Variants in SORCS3 observed in about 807,000 individuals in gnomAD.
The protein encoded by SORCS3 is sortilin related VPS10 domain containing receptor 3.
SORCS3 carries 57 observed loss-of-function variants against 146.3 expected under a neutral mutation model. That is an observed-to-expected ratio of 0.39 (90% CI 0.31 to 0.49). The LOEUF is 0.49. Ranked by LOEUF, SORCS3 falls within the 20% of genes least tolerant of loss-of-function variation. The pLI, the probability that SORCS3 is intolerant of heterozygous loss-of-function variation, is 0.92. For synonymous variants in SORCS3, 653 were observed against 618.5 expected, an observed-to-expected ratio of 1.06 and a Z score of -0.83; for missense variants, 1,341 against 1,575.5, an observed-to-expected ratio of 0.85 and a Z score of 2.52.
intron 2 of SORCS3, among the ~76,000 whole-genome samples, chr10:104,905,194 G>A (rs1044774287): frequency 4.6e-5 from 7 of 152,168 alleles, no homozygotes; most frequent in African/African-American, 1.7e-4. Context: ...AGAGAGCAGA[G>A]CAATCACTCC....
chr10:105,080,597 A>C (rs1345453744), intron 5 of SORCS3, among the ~76,000 whole-genome samples: 1 of 151,996 alleles, frequency 6.6e-6, no homozygotes, highest in Non-Finnish European at 1.5e-5. Flanking sequence ...TGGCATCTTC[A>C]TTGTGAAATC....
chr10:104,931,386 A>G (rs61867346), intron 3 of SORCS3, among the ~76,000 whole-genome samples: 42,158 of 152,044 alleles, frequency 0.28, 7,531 homozygotes, highest in African/African-American at 0.51. Flanking sequence ...TAAACCTAGG[A>G]TTTCCAGGGC....
intron 4 of SORCS3, among the ~76,000 whole-genome samples, chr10:104,995,826 T>A (rs1250874835): frequency 6.6e-6 from 1 of 151,956 alleles, no homozygotes; most frequent in Non-Finnish European, 1.5e-5. Context: ...AATATTTGCC[T>A]AAGTCAGTGT....
intron 1 of SORCS3, among the ~76,000 whole-genome samples, chr10:104,662,665 T>A (rs147194964): frequency 6.6e-6 from 1 of 152,214 alleles, no homozygotes; most frequent in Non-Finnish European, 1.5e-5. Context: ...TAGACTGGCA[T>A]GTTCTTTTCT....
chr10:104,852,492 C>T (rs959002121), intron 2 of SORCS3, among the ~76,000 whole-genome samples: 8 of 152,164 alleles, frequency 5.3e-5, no homozygotes, highest in Non-Finnish European at 1.0e-4. Flanking sequence ...TAAGAAAAGT[C>T]AGTTTCCTGG....
At chr10:104,933,695 T>C (rs1260300073) in intron 3 of SORCS3, among the ~76,000 whole-genome samples, 2 of 152,234 alleles carry the variant, frequency 1.3e-5, no homozygotes, top group African/African-American at 4.8e-5. Context: ...CATGTAAATG[T>C]TAACATCTCT....
intron 5 of SORCS3, among the ~76,000 whole-genome samples, chr10:105,077,345 A>G (rs917895573): frequency 2.6e-5 from 4 of 152,096 alleles, no homozygotes; most frequent in African/African-American, 4.8e-5. Flanking sequence ...ATAAGTCCCA[A>G]CCCTATGGTT....
chr10:104,904,749 C>T (rs2018886574), intron 2 of SORCS3, among the ~76,000 whole-genome samples: 1 of 151,120 alleles, frequency 6.6e-6, no homozygotes, highest in South Asian at 2.1e-4. Flanking sequence ...AAAATGTTAA[C>T]TGAGTTTTTC....
chr10:104,696,138 ATAT>A (rs1455970248), intron 1 of SORCS3, among the ~76,000 whole-genome samples: 6 of 106,786 alleles, frequency 5.6e-5, no homozygotes, highest in South Asian at 2.5e-4. Context: ...TCATATACAC[ATAT>A]TATATATAAT....
At chr10:105,010,794 A>G (rs1264867780) in intron 4 of SORCS3, among the ~76,000 whole-genome samples, 1 of 151,420 alleles carries the variant, frequency 6.6e-6, no homozygotes, top group Non-Finnish European at 1.5e-5. Flanking sequence ...GGGGCAGGCT[A>G]GGGTCAAGGT....
intron 2 of SORCS3, among the ~76,000 whole-genome samples, chr10:104,899,082 T>C (rs748580793): frequency 3.5e-4 from 53 of 152,324 alleles, no homozygotes; most frequent in South Asian, 8.3e-4. Flanking sequence ...GTTTATACCA[T>C]AGGGACTCAG....
At chr10:105,016,155 A>ATATATATATATATATTTTTTTTTTT (rs71482443) in intron 4 of SORCS3, among the ~76,000 whole-genome samples, 1 of 101,342 alleles carries the variant, frequency 9.9e-6, no homozygotes, top group African/African-American at 4.8e-5. Flanking sequence ...ATATATATAT[A>ATATATATATATATATTTTTTTTTTT]TTTTTTTTTT....
chr10:104,792,537 C>T (rs1411906438), intron 1 of SORCS3, among the ~76,000 whole-genome samples: 6 of 152,140 alleles, frequency 3.9e-5, no homozygotes, highest in East Asian at 1.9e-4. Context: ...TTGCTCATAG[C>T]GCTTGCACTA....
chr10:104,984,254 G>T (rs767764650), intron 4 of SORCS3, among the ~76,000 whole-genome samples: 2 of 152,138 alleles, frequency 1.3e-5, no homozygotes, highest in Non-Finnish European at 2.9e-5. Context: ...AGAATTTATT[G>T]ACATTCAGTA....
At chr10:104,648,481 C>G (rs1391170550) in intron 1 of SORCS3, among the ~76,000 whole-genome samples, 1 of 152,132 alleles carries the variant, frequency 6.6e-6, no homozygotes. Flanking sequence ...TCGTATGAGG[C>G]TAGTTAGAGA....
At chr10:104,708,859 G>A (rs1345668414) in intron 1 of SORCS3, among the ~76,000 whole-genome samples, 1 of 152,172 alleles carries the variant, frequency 6.6e-6, no homozygotes, top group East Asian at 1.9e-4. Context: ...CCCTTTTGAG[G>A]CATATAGATT....
chr10:104,959,401 A>G (rs2054778531), intron 3 of SORCS3, among the ~76,000 whole-genome samples: 1 of 152,122 alleles, frequency 6.6e-6, no homozygotes, highest in African/African-American at 2.4e-5. Flanking sequence ...GGGACCTCAG[A>G]GAACTCTCTC....
intron 20 of SORCS3, among the ~76,000 whole-genome samples, chr10:105,238,733 C>G (rs761023162): frequency 2.6e-5 from 4 of 152,168 alleles, no homozygotes; most frequent in Non-Finnish European, 5.9e-5. Flanking sequence ...TAGACAGATA[C>G]TGTCAAAGAG....
intron 20 of SORCS3, among the ~76,000 whole-genome samples, chr10:105,225,668 G>A (rs1383530558): frequency 6.6e-6 from 1 of 151,980 alleles, no homozygotes; most frequent in African/African-American, 2.4e-5. Context: ...GATCAAATTG[G>A]TAAGAAGTGA....
Sources: gnomAD v4.1 joint callset for allele counts (sites outside exome capture counted in the v4.1 genomes callset) on GRCh38, gnomAD v4.1.1 for gene constraint, MANE v1.5 for transcripts, NCBI Gene and HGNC (gene_info 2026-07-23, HGNC 2026-07-21) for gene names.